The following TMEM25 variants were observed in gnomAD, a reference collection of about 807,000 sequenced individuals.
TMEM25 encodes the protein transmembrane protein 25, also known as 0610039J01Rik.
Under a neutral mutation model 37.0 loss-of-function variants are expected in TMEM25, and 36 were observed. The ratio of observed to expected loss-of-function variants is 0.97; its 90% CI spans 0.75 to 1.28. TMEM25 has a LOEUF of 1.28. TMEM25 is among the 50% of genes most tolerant of loss of function. The pLI is 0.00. For missense variants in TMEM25, 444 were observed against 477.9 expected (o/e 0.93, Z 0.66); for synonymous variants, 197 against 203.7 (o/e 0.97, Z 0.28).
rs781783545 is a variant in TMEM25 at position 118,533,482 on chromosome 11, C to T, written c.736C>T (p.Leu246=). The change falls in exon 5 of 9, where the codon CTG becomes TTG. Residue 246 remains leucine (L), a synonymous_variant. Transcript: ENST00000313236. ...CATTGTTGTGGCTGCTGGGCTTGCACTGGGCACCCTCGTGGGGTTCAGCAC... is the reference window on the plus strand; with the variant it reads ...CATTGTTGTGGCTGCTGGGCTTGCATTGGGCACCCTCGTGGGGTTCAGCAC... ...LGIVVAAGLA[L]GTLVGFSTLV... 2 of 1,614,220 alleles carry T rather than the reference C, an allele frequency of 1.2e-6. No individual in the cohort carries two copies. Among genetic ancestry groups the T allele is most frequent in the East Asian group, 4.5e-5 (2 of 44,888 alleles).
chr11:118,534,643 C>T lies in TMEM25; in HGVS notation c.*63C>T, dbSNP rs1267531189. On this transcript the variant is annotated 3_prime_UTR_variant, in exon 9 of 9. Coordinates refer to ENST00000313236, the MANE Select transcript of TMEM25 (RefSeq NM_032780.4). The surrounding 1 kb of genome is among the most constrained non-coding windows in gnomAD (Gnocchi z 4.6). ...ACACCCTCCCGTTCCTCCAAGGCAT[C>T]CTCTACCTAGCTAGGTCACCAACGT... 32 of 1,595,430 alleles carry T rather than the reference C, an allele frequency of 2.0e-5. No individual in the cohort carries two copies. Among genetic ancestry groups the T allele is most frequent in the Non-Finnish European group, 2.6e-5 (30 of 1,168,298 alleles).
Position 118,532,746 on chromosome 11 carries a change from C to T in TMEM25, c.383-171C>T. 8.3e-6 allele frequency: 8 copies of T among 962,520 alleles called. No individual in the cohort carries two copies. The South Asian group carries it at 1.3e-4, about 16-fold the overall frequency. 59.6% of individuals were successfully genotyped at this position (962,520 alleles called of 1,614,324 possible). ...TCTGGGCATTTGGCTCTAGTATTTA[C>T]ACTCATAATCACTCCGAAATGCTGC... On this transcript the variant is annotated intron_variant, in intron 3 of 8. Coordinates refer to ENST00000313236, the MANE Select transcript of TMEM25 (RefSeq NM_032780.4).
chr11:118,536,175 G>A (rs1335462022), downstream of TMEM25, among the ~76,000 whole-genome samples: 2 of 148,944 alleles, frequency 1.3e-5, no homozygotes, highest in East Asian at 4.0e-4. Context: ...ACCACACCCA[G>A]CCTTCTAATA....
At chr11:118,545,252 C>T (rs1211291214) in intron 8 of TMEM25, among the ~76,000 whole-genome samples, 2 of 152,122 alleles carry the variant, frequency 1.3e-5, no homozygotes, top group East Asian at 3.9e-4. Flanking sequence ...AAAACTCCAT[C>T]CCTGCCTCCT....
chr11:118,542,148 C>G (rs1424696128), intron 8 of TMEM25, among the ~76,000 whole-genome samples: 1 of 152,134 alleles, frequency 6.6e-6, no homozygotes, highest in Non-Finnish European at 1.5e-5. Context: ...GGGAAGTACA[C>G]GGTTGAGGGG....
chr11:118,541,062 C>G lies in TMEM25; in HGVS notation c.1028-5057C>G, dbSNP rs1039337824. On this transcript the variant is annotated intron_variant, in intron 8 of 8. Coordinates refer to the TMEM25 transcript ENST00000354284. ...CACAACTTTGTGAACATACTAAAAA[C>G]ACTTACACGAGGATGAACTTATGGT... 2.6e-5 allele frequency among the ~76,000 whole-genome samples: 4 copies of G among 152,282 alleles called. No homozygotes were observed. The East Asian group carries it at 7.7e-4, about 29-fold the overall frequency.
chr11:118,543,808 CCTT>C (rs1171451463), intron 8 of TMEM25, among the ~76,000 whole-genome samples: 6 of 145,222 alleles, frequency 4.1e-5, no homozygotes. Context: ...TTAAACACCC[CCTT>C]TTTTTTTTTT....
downstream of TMEM25, among the ~76,000 whole-genome samples, chr11:118,538,063 G>T (rs1040985016): frequency 2.6e-5 from 4 of 152,062 alleles, no homozygotes; most frequent in African/African-American, 9.7e-5. Flanking sequence ...AGAAAAGAGA[G>T]AATCCCCATA....
intron 8 of TMEM25, among the ~76,000 whole-genome samples, chr11:118,543,561 C>T (rs1269089871): frequency 2.6e-5 from 4 of 151,970 alleles, no homozygotes; most frequent in Non-Finnish European, 5.9e-5. Context: ...GATCTTGGCT[C>T]GCTGCAACTG....
chr11:118,536,276 C>T (rs1430454788), downstream of TMEM25, among the ~76,000 whole-genome samples: 1 of 152,014 alleles, frequency 6.6e-6, no homozygotes, highest in Non-Finnish European at 1.5e-5. Context: ...TCACCGCAAC[C>T]TCTGCCTCCT....
chr11:118,532,238 G>A lies in TMEM25; in HGVS notation c.159G>A (p.Arg53=). 1 of 1,613,478 alleles carries A rather than the reference G, an allele frequency of 6.2e-7. No individual in the cohort carries two copies. Among genetic ancestry groups the A allele is most frequent in the East Asian group, 2.2e-5 (1 of 44,874 alleles). ...ATGAACGCCACGCCTTCACCTGCCG[G>A]GTGGCAGGGGGGCCTGGCACCCCCA... ...RENERHAFTC[R]VAGGPGTPRL... Residue 53 remains arginine, a synonymous_variant, in exon 3 of 9, where the codon CGG becomes CGA. Transcript: ENST00000313236.
chr11:118,534,437 G>A lies in TMEM25; in HGVS notation c.1028-70G>A. The A allele has an allele frequency of 1.9e-6, 3 of 1,610,548 alleles. No individual in the cohort carries two copies. Among genetic ancestry groups the A allele is most frequent in the Non-Finnish European group, 2.5e-6 (3 of 1,178,106 alleles). ...CCAGAGGCCTCCAAGTGCCCAGGAG[G>A]CAGAGAGAGCTCTCCAAATTCCAAG... On this transcript the variant is annotated intron_variant, in intron 8 of 8. Coordinates refer to ENST00000313236, the MANE Select transcript of TMEM25 (RefSeq NM_032780.4). This position sits in a 1 kb window ranked among gnomAD's most constrained non-coding sequence, Gnocchi z 4.6.
intron 4 of TMEM25, 24 bp downstream of exon 4, chr11:118,533,231 C>G: frequency 6.4e-7 from 1 of 1,574,256 alleles, no homozygotes; most frequent in Non-Finnish European, 8.6e-7. Context: ...GCAAGCGGCC[C>G]TGCAAAGCTT....
intron 5 of TMEM25, 70 bp downstream of exon 5, chr11:118,533,621 C>T: frequency 1.2e-6 from 2 of 1,609,218 alleles, no homozygotes. Flanking sequence ...GCAAGTGCAG[C>T]TGGGCAGAAC....
chr11:118,541,415 T>C (rs1370834836), intron 8 of TMEM25, among the ~76,000 whole-genome samples: 1 of 145,670 alleles, frequency 6.9e-6, no homozygotes, highest in Non-Finnish European at 1.5e-5. Flanking sequence ...TGAGCCAAGA[T>C]TGCGCCACTG....
At chr11:118,540,774 T>C (rs1951568059), downstream of TMEM25, among the ~76,000 whole-genome samples, 1 of 152,196 alleles carries the variant, frequency 6.6e-6, no homozygotes, top group Admixed American at 6.5e-5. Flanking sequence ...GACTCCTGCT[T>C]GTTATGCAGA....
downstream of TMEM25, among the ~76,000 whole-genome samples, chr11:118,537,841 A>G (rs1951531024): frequency 6.6e-6 from 1 of 152,042 alleles, no homozygotes; most frequent in African/African-American, 2.4e-5. Flanking sequence ...GCTTGAACCC[A>G]GGAGTTCAAG....
Position 118,534,158 on chromosome 11 carries a change from T to G in TMEM25, c.937+29T>G, listed in dbSNP as rs548876211. 1 of 1,613,684 alleles carries G rather than the reference T, an allele frequency of 6.2e-7. No individual in the cohort carries two copies. The highest frequency in any genetic ancestry group is 1.3e-5 in the African/African-American group (1 of 75,032). On this transcript the variant is annotated intron_variant, in intron 7 of 8. Coordinates refer to ENST00000313236, the MANE Select transcript of TMEM25 (RefSeq NM_032780.4). This position sits in a 1 kb window ranked among gnomAD's most constrained non-coding sequence, Gnocchi z 4.6. ...TATCTAGGGCCCTGCTCTTTGCCCC[T>G]GCTTAATCTCCAGAAGTGCTTCTGA...
chr11:118,535,515 C>T lies in TMEM25; in HGVS notation c.*935C>T. ...TGATGGTTTTTCTCTCAGCATGTCT[C>T]CTCCACCACGGGACCCCAGCCCTGA... On this transcript the variant is annotated 3_prime_UTR_variant, in exon 9 of 9. Coordinates refer to ENST00000313236, the MANE Select transcript of TMEM25 (RefSeq NM_032780.4). 6.5e-7 allele frequency: 1 copy of T among 1,533,758 alleles called. No individual in the cohort carries two copies. Among genetic ancestry groups the T allele is most frequent in the South Asian group, 1.2e-5 (1 of 83,750 alleles).
Sources: allele counts gnomAD v4.1 joint callset (sites outside exome capture counted in the v4.1 genomes callset), GRCh38; gene constraint gnomAD v4.1.1; non-coding constraint Gnocchi (gnomAD v3.1); transcripts MANE v1.5; gene names NCBI Gene and HGNC (gene_info 2026-07-23, HGNC 2026-07-21).